Variants in CD40 observed in about 807,000 individuals in gnomAD.
CD40 encodes tumor necrosis factor receptor superfamily member 5.
A neutral mutation model predicts 38.5 loss-of-function variants in CD40; 19 were observed. That is an observed-to-expected ratio of 0.49 (90% CI 0.34 to 0.72). CD40 has a LOEUF of 0.72. Among genes scored for constraint, CD40 ranks in the 30% least tolerant of loss-of-function variants. The pLI is 0.01. For synonymous variants in CD40, 130 were observed against 128.7 expected, an observed-to-expected ratio of 1.01 and a Z score of -0.07; for missense variants, 256 against 344.1, an observed-to-expected ratio of 0.74 and a Z score of 2.03.
At chr20:46,120,922 G>T (rs112530334) in intron 1 of CD40, among the ~76,000 whole-genome samples, 1 of 152,094 alleles carries the variant, frequency 6.6e-6, no homozygotes, top group African/African-American at 2.4e-5. Flanking sequence ...TAAATTAGCC[G>T]GGCATAGTGG....
chr20:46,126,405 T>C (rs894412508), intron 5 of CD40, among the ~76,000 whole-genome samples: 4 of 152,220 alleles, frequency 2.6e-5, no homozygotes, highest in African/African-American at 9.6e-5. Context: ...CCCCTATTTA[T>C]TACTCCTTCA....
In CD40 at chr20:46,129,189, C is replaced by G; in HGVS notation, c.*149C>G. The G allele has an allele frequency of 1.2e-6, 1 of 825,452 alleles. No individual in the cohort carries two copies. The allele number at this position is 825,452 out of a possible 1,614,324, so 51.1% of individuals were successfully genotyped here. ...CTGCCTGCACCCCTGCAGTTTGAGA[C>G]AGGAGACCTGGCACTGGATGCAGAA... On this transcript the variant is annotated 3_prime_UTR_variant, in exon 9 of 9. Transcript: ENST00000372285.
chr20:46,124,151 T>C (rs1175933976), intron 5 of CD40, among the ~76,000 whole-genome samples: 5 of 151,978 alleles, frequency 3.3e-5, no homozygotes, highest in Non-Finnish European at 5.9e-5. Context: ...TACCAAAAAA[T>C]TAGCTGGGTG....
intron 1 of CD40, 101 bp from the exon 2 acceptor site, chr20:46,121,719 T>C: frequency 1.1e-6 from 1 of 889,752 alleles, no homozygotes; most frequent in Non-Finnish European, 1.9e-6. Context: ...TGACTTGCAC[T>C]TCAGTTTGCA....
chr20:46,124,915 C>T (rs1484422976), intron 5 of CD40, among the ~76,000 whole-genome samples: 1 of 151,482 alleles, frequency 6.6e-6, no homozygotes, highest in Non-Finnish European at 1.5e-5. Flanking sequence ...TATAGGCGCC[C>T]GCCACCACAC....
chr20:46,119,730 G>A (rs748747220), intron 1 of CD40, among the ~76,000 whole-genome samples: 3 of 152,176 alleles, frequency 2.0e-5, no homozygotes, highest in Non-Finnish European at 4.4e-5. Flanking sequence ...GGCAAATTGA[G>A]GCTCAGAAAG....
In CD40 at chr20:46,128,998, G is replaced by C; in HGVS notation, c.792G>C (p.Glu264Asp). 6.2e-7 allele frequency: 1 copy of C among 1,614,222 alleles called. No individual in the cohort carries two copies. Among genetic ancestry groups the C allele is most frequent in the Non-Finnish European group, 8.5e-7 (1 of 1,180,050 alleles). ...ATGGATGCCAACCGGTCACCCAGGA[G>C]GATGGCAAAGAGAGTCGCATCTCAG... Reference protein sequence around the residue: ...TLHGCQPVTQEDGKESRISVQ... With the variant: ...TLHGCQPVTQDDGKESRISVQ... The change falls in exon 9 of 9, where the codon GAG (glutamate) becomes GAC (aspartate). Residue 264 changes from glutamate (E) to aspartate (D), a missense_variant. By Grantham distance (45) the Glu-to-Asp change is conservative. Transcript: ENST00000372285.
At chr20:46,126,319 G>T (rs1202050874) in intron 5 of CD40, among the ~76,000 whole-genome samples, 2 of 151,508 alleles carry the variant, frequency 1.3e-5, no homozygotes, top group Non-Finnish European at 2.9e-5. Flanking sequence ...AGCCTTGGTG[G>T]ATTCTGTCTC....
chr20:46,119,203 G>A (rs1027000550), intron 1 of CD40, among the ~76,000 whole-genome samples: 1 of 152,188 alleles, frequency 6.6e-6, no homozygotes. Context: ...TTGTTTAAAT[G>A]TATTTTTGTA....
Position 46,122,257 on chromosome 20 carries a change from C to A in CD40, c.155C>A (p.Thr52Lys). 1.2e-6 allele frequency: 2 copies of A among 1,614,162 alleles called. No homozygotes were observed. The highest frequency in any genetic ancestry group is 1.7e-6 in the Non-Finnish European group (2 of 1,180,026). Residue 52 changes from threonine to lysine, a missense_variant, in exon 3 of 9, where the codon ACA becomes AAA. Transcript: ENST00000372285. The surrounding 1 kb of genome is among the most constrained non-coding windows in gnomAD (Gnocchi z 5.0). ...QPGQKLVSDC[T>K]EFTETECLPC... ...GGACAGAAACTGGTGAGTGACTGCA[C>A]AGAGTTCACTGAAACGGAATGCCTT...
intron 5 of CD40, among the ~76,000 whole-genome samples, chr20:46,124,208 G>A (rs1346825417): frequency 6.6e-6 from 1 of 152,222 alleles, no homozygotes; most frequent in African/African-American, 2.4e-5. Context: ...GCTGAGGCAG[G>A]AGAATCACTT....
chr20:46,125,056 C>T (rs898778310), intron 5 of CD40, among the ~76,000 whole-genome samples: 1 of 151,566 alleles, frequency 6.6e-6, no homozygotes, highest in African/African-American at 2.4e-5. Flanking sequence ...CGTGAGCCAC[C>T]GTGCCCGGCC....
At position 46,122,432 on chromosome 20, in the gene CD40, A is replaced by G. The variant is rs2085337549; in HGVS notation, c.256+74A>G. Reference sequence around the variant, plus strand: ...CCGACAATGCAGCCATTCTAATTTTATGTAGCCAGGGTCTGCTCTGATTGG... The same window carrying G: ...CCGACAATGCAGCCATTCTAATTTTGTGTAGCCAGGGTCTGCTCTGATTGG... On this transcript the variant is annotated intron_variant, in intron 3 of 8. Coordinates refer to ENST00000372285, the MANE Select transcript of CD40 (RefSeq NM_001250.6). The surrounding 1 kb of genome is among the most constrained non-coding windows in gnomAD (Gnocchi z 5.0). 8 of 1,606,506 alleles carry G rather than the reference A, an allele frequency of 5.0e-6. No homozygotes were observed. The highest frequency in any genetic ancestry group is 6.8e-6 in the Non-Finnish European group (8 of 1,174,440).
chr20:46,118,618 A>G (rs1340929824), intron 1 of CD40, among the ~76,000 whole-genome samples: 2 of 152,132 alleles, frequency 1.3e-5, no homozygotes, highest in African/African-American at 4.8e-5. Context: ...CGCTCAGGGA[A>G]GGCACTGGCT....
chr20:46,119,281 C>T (rs1303003699), intron 1 of CD40, among the ~76,000 whole-genome samples: 3 of 152,206 alleles, frequency 2.0e-5, no homozygotes, highest in Non-Finnish European at 2.9e-5. Flanking sequence ...CTCTGGCCTC[C>T]CCCTACTTTA....
intron 5 of CD40, among the ~76,000 whole-genome samples, chr20:46,125,769 C>G (rs1433501678): frequency 1.3e-5 from 2 of 152,056 alleles, no homozygotes; most frequent in Non-Finnish European, 2.9e-5. Context: ...TCTGAGCTCT[C>G]TGGGCAGCTG....
intron 5 of CD40, among the ~76,000 whole-genome samples, chr20:46,124,087 C>T (rs2085372513): frequency 6.6e-6 from 1 of 152,162 alleles, no homozygotes; most frequent in African/African-American, 2.4e-5. Flanking sequence ...CACTTGAGGT[C>T]AGGAGTTCAA....
chr20:46,126,089 G>A (rs1057230632), intron 5 of CD40, among the ~76,000 whole-genome samples: 1 of 152,168 alleles, frequency 6.6e-6, no homozygotes, highest in Non-Finnish European at 1.5e-5. Flanking sequence ...CCTGTGGAAC[G>A]TTTGCCAATG....
In CD40 at chr20:46,129,512, T is replaced by C; in HGVS notation, c.*472T>C. ...GCTAAATAAAATTAGAATATATTTATACAACAGAATCTCAAAAACACTGTT... is the reference window on the plus strand; with the variant it reads ...GCTAAATAAAATTAGAATATATTTACACAACAGAATCTCAAAAACACTGTT... On this transcript the variant is annotated 3_prime_UTR_variant, in exon 9 of 9. Transcript: ENST00000372285. 5.3e-6 allele frequency: 1 copy of C among 188,274 alleles called. No individual in the cohort carries two copies. Among genetic ancestry groups the C allele is most frequent in the South Asian group, 1.1e-4 (1 of 9,412 alleles). The allele number at this position is 188,274 out of a possible 1,614,324, so 11.7% of individuals were successfully genotyped here. A position where few individuals can be genotyped will look rare whatever the true frequency, so the allele number is the denominator to read the frequency against.
Sources: allele counts gnomAD v4.1 joint callset (sites outside exome capture counted in the v4.1 genomes callset), GRCh38; gene constraint gnomAD v4.1.1; non-coding constraint Gnocchi (gnomAD v3.1); transcripts MANE v1.5; gene names NCBI Gene and HGNC (gene_info 2026-07-23, HGNC 2026-07-21).